ATP6V0E1: variants seen among roughly 807,000 people sequenced by gnomAD.
The protein encoded by ATP6V0E1 is ATPase H+ transporting V0 subunit e1.
ATP6V0E1 carries 4 observed loss-of-function variants against 11.6 expected under a neutral mutation model. The observed-to-expected ratio is 0.35, with a 90% CI of 0.17 to 0.79. ATP6V0E1 has a LOEUF of 0.79. Ranked by LOEUF, ATP6V0E1 falls within the 30% of genes least tolerant of loss-of-function variation. ATP6V0E1 has a pLI of 0.54. For synonymous variants in ATP6V0E1, 36 were observed against 34.8 expected, an observed-to-expected ratio of 1.04 and a Z score of -0.13; for missense variants, 105 against 100.0, an observed-to-expected ratio of 1.05 and a Z score of -0.21.
chr5:173,024,978 G>T (rs557208247), intron 3 of ATP6V0E1, among the ~76,000 whole-genome samples: 2 of 150,570 alleles, frequency 1.3e-5, no homozygotes, highest in Non-Finnish European at 3.0e-5. Context: ...AAGTAGCTGG[G>T]ATTACAGGTG....
intron 1 of ATP6V0E1, among the ~76,000 whole-genome samples, chr5:172,989,130 T>C (rs1397609001): frequency 6.6e-6 from 1 of 152,044 alleles, no homozygotes; most frequent in Non-Finnish European, 1.5e-5. Flanking sequence ...AGCCAGAAAA[T>C]AGAGACCAAG....
At chr5:173,016,312 T>C (rs1332468926) in intron 2 of ATP6V0E1, among the ~76,000 whole-genome samples, 1 of 152,212 alleles carries the variant, frequency 6.6e-6, no homozygotes, top group East Asian at 1.9e-4. Context: ...GAATTGATTG[T>C]GTGCTTGTTG....
chr5:173,030,259 A>C (rs12653524), intron 3 of ATP6V0E1, among the ~76,000 whole-genome samples: 4,701 of 152,248 alleles, frequency 0.031, 103 homozygotes, highest in East Asian at 0.083. Flanking sequence ...AATCTCCTAC[A>C]ATATATAGCC....
At chr5:172,997,470 A>G (rs1172050170) in intron 2 of ATP6V0E1, among the ~76,000 whole-genome samples, 1 of 152,174 alleles carries the variant, frequency 6.6e-6, no homozygotes, top group Admixed American at 6.6e-5. Context: ...TTCTTTAAAA[A>G]TCTGTTACTC....
intron 2 of ATP6V0E1, among the ~76,000 whole-genome samples, chr5:173,009,732 G>A (rs541716580): frequency 6.6e-6 from 1 of 151,016 alleles, no homozygotes; most frequent in South Asian, 2.1e-4. Context: ...CCAAAGTGCT[G>A]GGATTACAGG....
chr5:173,013,275 T>C (rs1343644526), intron 2 of ATP6V0E1, among the ~76,000 whole-genome samples: 2 of 139,230 alleles, frequency 1.4e-5, no homozygotes, highest in African/African-American at 2.6e-5. Flanking sequence ...AAAGAAACAA[T>C]AGAATAAAGA....
At chr5:173,004,247 G>A (rs944665890) in intron 2 of ATP6V0E1, among the ~76,000 whole-genome samples, 1 of 152,144 alleles carries the variant, frequency 6.6e-6, no homozygotes, top group Non-Finnish European at 1.5e-5. Flanking sequence ...ATTTGCCTAA[G>A]GACATGCAGT....
intron 2 of ATP6V0E1, among the ~76,000 whole-genome samples, chr5:173,017,167 C>T (rs1273976551): frequency 5.3e-5 from 8 of 152,152 alleles, no homozygotes; most frequent in African/African-American, 1.2e-4. Context: ...GCTAGTTCCC[C>T]GCTTATAGGG....
intron 2 of ATP6V0E1, among the ~76,000 whole-genome samples, chr5:172,995,089 A>G (rs549072424): frequency 1.3e-5 from 2 of 152,142 alleles, no homozygotes; most frequent in Non-Finnish European, 2.9e-5. Context: ...ATATTTTACT[A>G]TGGTGAAGTA....
At chr5:173,001,557 ATCACT>A (rs1195551147) in intron 2 of ATP6V0E1, among the ~76,000 whole-genome samples, 2 of 152,088 alleles carry the variant, frequency 1.3e-5, no homozygotes, top group African/African-American at 4.8e-5. Context: ...ACAGGACATA[ATCACT>A]TCCCAGGGGC....
chr5:173,015,145 T>C (rs1050784093), intron 2 of ATP6V0E1, among the ~76,000 whole-genome samples: 7 of 152,206 alleles, frequency 4.6e-5, no homozygotes, highest in Admixed American at 1.3e-4. Context: ...AGGTCACTTT[T>C]TGAAGTGGGA....
At chr5:173,028,540 A>T (rs1326525460) in intron 3 of ATP6V0E1, among the ~76,000 whole-genome samples, 1 of 152,226 alleles carries the variant, frequency 6.6e-6, no homozygotes, top group Non-Finnish European at 1.5e-5. Flanking sequence ...AGGACCAGTT[A>T]TGAAAGCTTT....
At position 173,002,838 on chromosome 5, in the gene ATP6V0E1, A is replaced by G. The variant is rs77387041; in HGVS notation, c.152+8016A>G. Among the ~76,000 whole-genome samples the G allele has an allele frequency of 1.1e-3, 159 of 151,388 alleles. 2 individuals carry two copies. The East Asian group carries it at 0.029, about 27-fold the overall frequency. On this transcript the variant is annotated intron_variant, in intron 2 of 3. Transcript: ENST00000519374. ...CCCTGTGTCTGAGGAGGAATCAGCC[A>G]TAGGGAAATTGGAGGGAGGGCTTTC...
At chr5:173,016,664 T>C (rs920712161) in intron 2 of ATP6V0E1, among the ~76,000 whole-genome samples, 3 of 152,212 alleles carry the variant, frequency 2.0e-5, no homozygotes, top group Admixed American at 2.0e-4. Flanking sequence ...AGGCAGCTTG[T>C]ATTGCCTGCC....
chr5:173,022,972 C>T (rs1756506576), intron 3 of ATP6V0E1, among the ~76,000 whole-genome samples: 2 of 151,882 alleles, frequency 1.3e-5, no homozygotes, highest in Admixed American at 1.3e-4. Context: ...CTCCCGAGAT[C>T]GACCTGTCTT....
chr5:173,007,343 C>G (rs1026417856), intron 2 of ATP6V0E1, among the ~76,000 whole-genome samples: 2 of 152,128 alleles, frequency 1.3e-5, no homozygotes, highest in Non-Finnish European at 2.9e-5. Context: ...GAATTCAGTT[C>G]TATGTGCTTA....
At chr5:173,020,199 T>C in intron 2 of ATP6V0E1, 39 bp from the exon 3 acceptor site, 3 of 1,521,082 alleles carry the variant, frequency 2.0e-6, no homozygotes, top group South Asian at 1.1e-5. Context: ...TCCAACATGA[T>C]TTCACCGCTT....
intron 2 of ATP6V0E1, among the ~76,000 whole-genome samples, chr5:173,000,238 C>G (rs1756133261): frequency 6.6e-6 from 1 of 152,134 alleles, no homozygotes; most frequent in African/African-American, 2.4e-5. Context: ...AGGTTCTCTG[C>G]CAGTAGAATC....
intron 1 of ATP6V0E1, among the ~76,000 whole-genome samples, chr5:172,993,139 C>T (rs752533446): frequency 1.3e-5 from 2 of 152,212 alleles, no homozygotes; most frequent in Non-Finnish European, 2.9e-5. Context: ...CTGTTCTCTC[C>T]TCAGACCCTA....
Sources: allele counts gnomAD v4.1 joint callset (sites outside exome capture counted in the v4.1 genomes callset), GRCh38; gene constraint gnomAD v4.1.1; transcripts MANE v1.5; gene names NCBI Gene and HGNC (gene_info 2026-07-23, HGNC 2026-07-21).